Variants in NEK11 observed in about 807,000 individuals in gnomAD.
NEK11 encodes serine/threonine-protein kinase Nek11.
A neutral mutation model predicts 80.7 loss-of-function variants in NEK11; 72 were observed. The observed-to-expected ratio is 0.89, with a 90% confidence interval of 0.74 to 1.08. The LOEUF (loss-of-function observed/expected upper bound fraction) is 1.08. NEK11 is among the 50% of genes least tolerant of loss of function. The pLI is 0.00. For missense variants in NEK11, 764 were observed against 763.6 expected (o/e 1.00, Z -0.01); for synonymous variants, 251 against 260.7 (o/e 0.96, Z 0.36).
intron 3 of NEK11, among the ~76,000 whole-genome samples, chr3:131,062,751 C>T (rs1335610704): frequency 2.0e-5 from 3 of 152,172 alleles, no homozygotes; most frequent in Non-Finnish European, 1.5e-5. Context: ...TTAAACAAGT[C>T]GTGGTGCTAG....
At chr3:131,338,549 A>C (rs902810300) in intron 17 of NEK11, among the ~76,000 whole-genome samples, 1 of 152,182 alleles carries the variant, frequency 6.6e-6, no homozygotes, top group African/African-American at 2.4e-5. Context: ...ATATGAATAC[A>C]TATAGCAACT....
At chr3:131,257,257 A>G (rs2095833619) in intron 16 of NEK11, among the ~76,000 whole-genome samples, 1 of 151,798 alleles carries the variant, frequency 6.6e-6, no homozygotes, top group Admixed American at 6.6e-5. Context: ...CAGCCTCCCA[A>G]AGTGCTGGGA....
At chr3:131,102,218 GTCA>G (rs2078474896) in intron 4 of NEK11, among the ~76,000 whole-genome samples, 2 of 152,118 alleles carry the variant, frequency 1.3e-5, no homozygotes, top group African/African-American at 2.4e-5. Flanking sequence ...TATTGATCCT[GTCA>G]TCATGTTGTT....
At chr3:131,333,301 G>A (rs1459274808) in intron 17 of NEK11, among the ~76,000 whole-genome samples, 1 of 152,136 alleles carries the variant, frequency 6.6e-6, no homozygotes, top group East Asian at 1.9e-4. Context: ...GAAGAGAGTG[G>A]GGGCCAATAT....
intron 17 of NEK11, among the ~76,000 whole-genome samples, chr3:131,304,292 T>A (rs572246701): frequency 6.6e-6 from 1 of 152,346 alleles, no homozygotes; most frequent in African/African-American, 2.4e-5. Context: ...GGCCATTTCA[T>A]ATTTCAGTTC....
chr3:131,108,435 A>G (rs543111041), intron 4 of NEK11, among the ~76,000 whole-genome samples: 204 of 152,286 alleles, frequency 1.3e-3, no homozygotes, highest in Non-Finnish European at 2.4e-3. Context: ...TCCTGCAAAG[A>G]CTAAACACAG....
intron 3 of NEK11, among the ~76,000 whole-genome samples, chr3:131,060,222 A>G (rs1191739073): frequency 6.6e-6 from 1 of 152,228 alleles, no homozygotes; most frequent in Admixed American, 6.5e-5. Context: ...TTTTGGCTCT[A>G]AGGGTCTAAA....
chr3:131,261,456 C>CTTTATCT (rs1447077462), intron 16 of NEK11, among the ~76,000 whole-genome samples: 1 of 152,160 alleles, frequency 6.6e-6, no homozygotes, highest in Non-Finnish European at 1.5e-5. Context: ...TTTGATTGCT[C>CTTTATCT]TTTATCTTTG....
intron 4 of NEK11, among the ~76,000 whole-genome samples, chr3:131,092,223 T>A (rs1055244767): frequency 3.3e-5 from 5 of 152,220 alleles, no homozygotes; most frequent in African/African-American, 1.2e-4. Context: ...TCAGGCTAGT[T>A]GAATGATTCC....
chr3:131,138,104 C>G (rs778377472), intron 7 of NEK11, among the ~76,000 whole-genome samples: 3 of 152,126 alleles, frequency 2.0e-5, no homozygotes, highest in Non-Finnish European at 4.4e-5. Context: ...CAAGTGAGAT[C>G]TTGGAGTCCC....
intron 17 of NEK11, among the ~76,000 whole-genome samples, chr3:131,296,893 T>C (rs993967148): frequency 6.6e-6 from 1 of 151,276 alleles, no homozygotes; most frequent in Non-Finnish European, 1.5e-5. Flanking sequence ...TTCCCACCTA[T>C]GAGTGAGAAT....
In NEK11 at chr3:131,230,919, C is replaced by T. The variant is rs999046668; in HGVS notation, c.1560+2231C>T. ...TTCTCATGGTAGTGAATAAGTCTCA[C>T]GAGATCTGATGATTTTATAAGGGGT... On this transcript the variant is annotated intron_variant, in intron 15 of 17. Transcript: ENST00000383366. Among the ~76,000 whole-genome samples the T allele has an allele frequency of 7.9e-5, 12 of 152,246 alleles. No homozygotes were observed. In the South Asian group the frequency reaches 1.0e-3, roughly 13 times the overall value.
At position 131,297,163 on chromosome 3, in the gene NEK11, T is replaced by G. The variant is rs1378287206; in HGVS notation, c.1718+23589T>G. ...TTATAGCAGCATGATTTATAGTCCTTTGGGTATATACCCAGTAATGGGATG... is the reference window on the plus strand; with the variant it reads ...TTATAGCAGCATGATTTATAGTCCTGTGGGTATATACCCAGTAATGGGATG... On this transcript the variant is annotated intron_variant, in intron 17 of 17. Transcript: ENST00000383366. Among the ~76,000 whole-genome samples, 7 of 152,236 alleles carry G rather than the reference T, an allele frequency of 4.6e-5. No individual in the cohort carries two copies. The East Asian group carries it at 1.4e-3, about 29-fold the overall frequency.
At chr3:131,272,747 A>G (rs2096222115) in intron 16 of NEK11, among the ~76,000 whole-genome samples, 1 of 152,024 alleles carries the variant, frequency 6.6e-6, no homozygotes, top group Non-Finnish European at 1.5e-5. Context: ...AAATGCCGGG[A>G]TTACAGGCAT....
chr3:131,111,943 T>G (rs1282313370), intron 5 of NEK11, among the ~76,000 whole-genome samples: 2 of 152,178 alleles, frequency 1.3e-5, no homozygotes, highest in African/African-American at 2.4e-5. Flanking sequence ...TAGCAAGTGT[T>G]GGTAAACATA....
intron 12 of NEK11, among the ~76,000 whole-genome samples, chr3:131,166,145 G>A (rs143025066): frequency 1.8e-3 from 276 of 152,300 alleles, no homozygotes; most frequent in African/African-American, 6.3e-3. Context: ...TCTTTACAAC[G>A]TCAAATTTGG....
At chr3:131,309,953 C>T (rs1417073387) in intron 17 of NEK11, among the ~76,000 whole-genome samples, 1 of 121,020 alleles carries the variant, frequency 8.3e-6, no homozygotes, top group Non-Finnish European at 1.6e-5. Flanking sequence ...CATGCCACTG[C>T]ACTCCAGCCT....
chr3:131,324,062 G>A (rs1483855432), intron 17 of NEK11, among the ~76,000 whole-genome samples: 1 of 152,202 alleles, frequency 6.6e-6, no homozygotes, highest in Non-Finnish European at 1.5e-5. Context: ...AAACAGGCAA[G>A]GAAGGCTTTA....
At chr3:131,152,302 C>T in intron 7 of NEK11, 86 bp from the exon 8 acceptor site, 1 of 1,186,156 alleles carries the variant, frequency 8.4e-7, no homozygotes, top group Non-Finnish European at 1.2e-6. Flanking sequence ...ACAGCCAATG[C>T]CCCAACACAT....
Sources: allele counts gnomAD v4.1 joint callset (sites outside exome capture counted in the v4.1 genomes callset), GRCh38; gene constraint gnomAD v4.1.1; transcripts MANE v1.5; gene names NCBI Gene and HGNC (gene_info 2026-07-23, HGNC 2026-07-21).